Variants in KANK1 observed in about 807,000 individuals in gnomAD.
KANK1 encodes the protein KN motif and ankyrin repeat domain-containing protein 1.
In KANK1, 109 loss-of-function variants were observed where a neutral mutation model predicts 106.2. The ratio of observed to expected loss-of-function variants is 1.03; its 90% CI spans 0.88 to 1.20. KANK1 has a LOEUF of 1.20. KANK1 is among the 50% of genes most tolerant of loss of function. The pLI is 0.00. For synonymous variants in KANK1, 873 were observed against 652.2 expected, an observed-to-expected ratio of 1.34 and a Z score of -5.16; for missense variants, 2,399 against 1,710.7, an observed-to-expected ratio of 1.40 and a Z score of -7.10.
chr9:682,962 C>G (rs1051775978), intron 2 of KANK1, among the ~76,000 whole-genome samples: 1 of 152,154 alleles, frequency 6.6e-6, no homozygotes, highest in African/African-American at 2.4e-5. Context: ...AAACAGAACT[C>G]TGAGCCCACT....
At chr9:599,663 G>C (rs746334967) in intron 1 of KANK1, among the ~76,000 whole-genome samples, 1 of 151,792 alleles carries the variant, frequency 6.6e-6, no homozygotes, top group Non-Finnish European at 1.5e-5. Flanking sequence ...GCAGGTCCAC[G>C]TGCAGGTCTG....
intron 3 of KANK1, among the ~76,000 whole-genome samples, chr9:492,917 G>A (rs11794292): frequency 4.0e-5 from 6 of 151,874 alleles, no homozygotes; most frequent in Admixed American, 2.6e-4. Flanking sequence ...CCAGCTACTC[G>A]GGAGGCTGAG....
At chr9:720,402 T>A (rs1589176574) in intron 3 of KANK1, among the ~76,000 whole-genome samples, 3 of 152,224 alleles carry the variant, frequency 2.0e-5, no homozygotes, top group African/African-American at 7.2e-5. Flanking sequence ...TGGAGTGCAG[T>A]GGTGCAATCA....
chr9:481,933 G>C (rs1159115063), intron 3 of KANK1, among the ~76,000 whole-genome samples: 2 of 152,140 alleles, frequency 1.3e-5, no homozygotes, highest in African/African-American at 4.8e-5. Context: ...CAAACAAGAA[G>C]CCCAGGGGCG....
At chr9:509,916 C>T (rs998244753) in intron 1 of KANK1, among the ~76,000 whole-genome samples, 3 of 152,204 alleles carry the variant, frequency 2.0e-5, no homozygotes, top group African/African-American at 7.2e-5. Flanking sequence ...CCCGCCTCAG[C>T]CTGCCTCCCG....
At chr9:551,338 T>C (rs1358116970) in intron 1 of KANK1, among the ~76,000 whole-genome samples, 1 of 152,014 alleles carries the variant, frequency 6.6e-6, no homozygotes, top group African/African-American at 2.4e-5. Flanking sequence ...GTCAATCTAC[T>C]AGTTTGCTTG....
intron 1 of KANK1, among the ~76,000 whole-genome samples, chr9:635,694 CTTTTTTTTTT>C (rs1162836319): frequency 5.8e-5 from 6 of 103,362 alleles, no homozygotes; most frequent in Non-Finnish European, 1.1e-4. Context: ...CCTTTTTATT[CTTTTTTTTTT>C]TTTTTTTTTT....
At chr9:474,125 T>G (rs2058065533) in intron 3 of KANK1, among the ~76,000 whole-genome samples, 1 of 152,228 alleles carries the variant, frequency 6.6e-6, no homozygotes. Flanking sequence ...CAAGCCTTCC[T>G]GAGTGTCATC....
chr9:586,175 C>CTTG (rs1197952663), intron 1 of KANK1, among the ~76,000 whole-genome samples: 1 of 152,202 alleles, frequency 6.6e-6, no homozygotes, highest in East Asian at 1.9e-4. Context: ...AGCAGACATA[C>CTTG]TTGTCTAAGT....
At chr9:503,663 G>GGGTAAA (rs1587291613), upstream of KANK1, among the ~76,000 whole-genome samples, 2 of 152,308 alleles carry the variant, frequency 1.3e-5, no homozygotes, top group East Asian at 3.9e-4. Context: ...AAAATCAGTT[G>GGGTAAA]ACTGCAGAGC....
intron 1 of KANK1, among the ~76,000 whole-genome samples, chr9:656,081 C>T (rs559523167): frequency 6.6e-6 from 1 of 152,310 alleles, no homozygotes; most frequent in Admixed American, 6.5e-5. Context: ...CACTTTCTTG[C>T]TGTCAGACCG....
intron 1 of KANK1, among the ~76,000 whole-genome samples, chr9:656,817 A>T (rs1348632619): frequency 6.6e-6 from 1 of 152,224 alleles, no homozygotes; most frequent in Non-Finnish European, 1.5e-5. Flanking sequence ...AAGGATAGCA[A>T]CATAAGGCAG....
chr9:705,370 C>G (rs1390124066), intron 2 of KANK1, among the ~76,000 whole-genome samples: 2 of 152,086 alleles, frequency 1.3e-5, no homozygotes, highest in African/African-American at 4.8e-5. Flanking sequence ...CCTGTAATCC[C>G]AGCTCCTCGG....
chr9:529,274 C>G (rs886753996), intron 1 of KANK1, among the ~76,000 whole-genome samples: 3 of 150,976 alleles, frequency 2.0e-5, no homozygotes, highest in African/African-American at 4.9e-5. Context: ...CACACACAGA[C>G]ACACACACAC....
chr9:479,052 G>A (rs1319976640), intron 3 of KANK1, among the ~76,000 whole-genome samples: 5 of 152,052 alleles, frequency 3.3e-5, no homozygotes, highest in African/African-American at 1.2e-4. Flanking sequence ...GAGTAGCTGG[G>A]ATTACAGCCA....
chr9:663,957 A>G (rs1843967737), intron 1 of KANK1, among the ~76,000 whole-genome samples: 1 of 152,070 alleles, frequency 6.6e-6, no homozygotes, highest in African/African-American at 2.4e-5. Context: ...TCTTCAAATA[A>G]GGTCGTATGG....
intron 1 of KANK1, among the ~76,000 whole-genome samples, chr9:636,498 A>C (rs1468193638): frequency 6.6e-6 from 1 of 152,176 alleles, no homozygotes; most frequent in Non-Finnish European, 1.5e-5. Flanking sequence ...ATGGAGGCTC[A>C]GTCAGTTCCC....
At chr9:664,646 G>C (rs376086555) in intron 1 of KANK1, among the ~76,000 whole-genome samples, 1 of 152,150 alleles carries the variant, frequency 6.6e-6, no homozygotes, top group Non-Finnish European at 1.5e-5. Flanking sequence ...TGCAAGTACA[G>C]ATCTCTCTTC....
intron 1 of KANK1, among the ~76,000 whole-genome samples, chr9:635,776 G>A: frequency 7.7e-6 from 1 of 130,282 alleles, no homozygotes; most frequent in Non-Finnish European, 1.5e-5. Context: ...TCAGCTCACT[G>A]CAACCTCTGC....
Sources: allele counts gnomAD v4.1 joint callset (sites outside exome capture counted in the v4.1 genomes callset), GRCh38; gene constraint gnomAD v4.1.1; transcripts MANE v1.5; gene names NCBI Gene and HGNC (gene_info 2026-07-23, HGNC 2026-07-21).